Variants in ACAD10 observed in about 807,000 individuals in gnomAD.
ACAD10 encodes the protein ACAD-10.
In ACAD10, 112 loss-of-function variants were observed where a neutral mutation model predicts 116.8. That is an observed-to-expected ratio of 0.96 (90% CI 0.82 to 1.12). ACAD10 has a LOEUF of 1.12. Among genes scored for constraint, ACAD10 ranks in the 50% most tolerant of loss-of-function variants. The pLI is 0.00. For missense variants in ACAD10, 1,259 were observed against 1,350.2 expected, an observed-to-expected ratio of 0.93 and a Z score of 1.06; for synonymous variants, 486 against 510.6, an observed-to-expected ratio of 0.95 and a Z score of 0.65.
chr12:111,710,287 C>T (rs1335148356), intron 5 of ACAD10: 6 of 454,146 alleles, frequency 1.3e-5, no homozygotes, highest in Non-Finnish European at 1.8e-5. Context: ...AGGGTTTTGC[C>T]GTGTTGCCCA....
At chr12:111,722,182 C>T (rs1467052145) in intron 8 of ACAD10, among the ~76,000 whole-genome samples, 2 of 152,078 alleles carry the variant, frequency 1.3e-5, no homozygotes, top group Non-Finnish European at 2.9e-5. Context: ...CTGCCTCAGT[C>T]TCCTGAGTAG....
chr12:111,748,336 C>A lies in ACAD10; in HGVS notation c.2505C>A (p.Cys835Ter). 1 of 1,614,138 alleles carries A rather than the reference C, an allele frequency of 6.2e-7. No individual in the cohort carries two copies. The part of the protein sequence containing the change: ...WWITGILDPR[C>*]QLCVFMGKTD... ...TGGCAGGCATCCTGGATCCTCGTTG[C>A]CAACTCTGTGTGTTTATGGGAAAAA... The change falls in exon 17 of 21, where the codon TGC (cysteine) becomes TGA (stop). Residue 835 changes from cysteine to a stop codon, truncating the protein, a stop_gained. Coordinates refer to ENST00000313698, the MANE Select transcript of ACAD10 (RefSeq NM_025247.6). LOFTEE classifies it high-confidence loss of function.
At position 111,747,156 on chromosome 12, in the gene ACAD10, C is replaced by A; in HGVS notation, c.2364C>A (p.Ala788=). ...RWLIPLLEGK[A]RSCFAMTEPQ... is the part of the protein sequence containing the mutation. ...TGATTCCTCTGCTGGAGGGGAAAGC[C>A]CGCTCCTGTTTTGCTATGACCGAGC... Residue 788 remains alanine (A), a synonymous_variant, in exon 15 of 21, where the codon GCC becomes GCA. Transcript: ENST00000313698. 6.2e-7 allele frequency: 1 copy of A among 1,612,512 alleles called. No individual in the cohort carries two copies. Among genetic ancestry groups the A allele is most frequent in the East Asian group, 2.2e-5 (1 of 44,834 alleles).
In ACAD10 at chr12:111,706,776, A is replaced by AT. The variant is rs1272775325; in HGVS notation, c.531+845dup. On this transcript the variant is annotated intron_variant, in intron 4 of 20. Coordinates refer to ENST00000313698, the MANE Select transcript of ACAD10 (RefSeq NM_025247.6). Reference sequence around the variant, plus strand: ...TATTTATTTTTTTATATATATATATATATATATTTTTTTTTTTGAGACCAT... The same window carrying AT: ...TATTTATTTTTTTATATATATATATATTATATATTTTTTTTTTTGAGACCAT... 4.9e-4 allele frequency among the ~76,000 whole-genome samples: 55 copies of AT among 112,146 alleles called. 1 individual carries two copies. The East Asian group carries it at 0.014, about 29-fold the overall frequency. 73.6% of individuals were successfully genotyped at this position (112,146 alleles called of 152,430 possible). A position where few individuals can be genotyped will look rare whatever the true frequency, so the allele number is the denominator to read the frequency against.
intron 18 of ACAD10, among the ~76,000 whole-genome samples, chr12:111,751,343 T>C (rs568172959): frequency 1.3e-5 from 2 of 152,218 alleles, no homozygotes; most frequent in South Asian, 4.1e-4. Flanking sequence ...CCAGGTGTGG[T>C]GACACTCCCA....
chr12:111,733,241 G>A (rs1437037698), intron 10 of ACAD10, among the ~76,000 whole-genome samples: 1 of 152,138 alleles, frequency 6.6e-6, no homozygotes, highest in Admixed American at 6.6e-5. Flanking sequence ...GGGACTACAG[G>A]CGTGCACTAC....
intron 12 of ACAD10, among the ~76,000 whole-genome samples, chr12:111,738,425 G>A (rs1464038192): frequency 1.5e-5 from 2 of 135,862 alleles, no homozygotes; most frequent in South Asian, 2.4e-4. Context: ...CAGCCTGGGC[G>A]ACAAGAATGA....
chr12:111,693,016 G>C (rs1305905418), intron 2 of ACAD10, 120 bp downstream of exon 2: 2 of 1,177,370 alleles, frequency 1.7e-6, no homozygotes, highest in Admixed American at 4.9e-5. Context: ...CCATGCTCTG[G>C]CTCTCGAGTC....
rs563754490 is a variant in ACAD10, at chr12:111,696,998, G to A, written c.187+4102G>A. 4.0e-5 allele frequency among the ~76,000 whole-genome samples: 6 copies of A among 151,804 alleles called. No homozygotes were observed. The South Asian group carries it at 1.0e-3, about 26-fold the overall frequency. On this transcript the variant is annotated intron_variant, in intron 2 of 20. Transcript: ENST00000313698. ...TGGGAGGCTGAGGCAGGAGAATGGC[G>A]TGCACCCAGGAGGCAGAGCTTGCAG...
chr12:111,706,582 T>C (rs1888511476), intron 4 of ACAD10, among the ~76,000 whole-genome samples: 1 of 151,892 alleles, frequency 6.6e-6, no homozygotes. Flanking sequence ...CCTGAGTAGC[T>C]GGAATTACAG....
At position 111,733,981 on chromosome 12, in the gene ACAD10, G is replaced by A. The variant is rs1168748017; in HGVS notation, c.1453G>A (p.Glu485Lys). The A allele has an allele frequency of 6.2e-7, 1 of 1,614,216 alleles. No individual in the cohort carries two copies. Among genetic ancestry groups the A allele is most frequent in the South Asian group, 1.1e-5 (1 of 91,086 alleles). ...AGAGGTGCTTGCTGTCCTTGACTGG[G>A]AACTTTCTACCTTGGGCGACCCCCT... The part of the protein sequence containing the change: ...EPEVLAVLDW[E>K]LSTLGDPLAD... The change falls in exon 11 of 21, where the codon GAA (glutamate) becomes AAA (lysine). Residue 485 changes from glutamate to lysine, a missense_variant. Glu to Lys is a moderately conservative substitution (Grantham distance 56). Transcript: ENST00000313698.
intron 8 of ACAD10, 80 bp downstream of exon 8, chr12:111,721,819 G>A: frequency 8.0e-7 from 1 of 1,253,608 alleles, no homozygotes; most frequent in Non-Finnish European, 1.1e-6. Flanking sequence ...ATTCCAATTT[G>A]TTAAAGACAA....
intron 2 of ACAD10, among the ~76,000 whole-genome samples, chr12:111,697,876 G>A (rs1182156712): frequency 6.6e-6 from 1 of 151,078 alleles, no homozygotes; most frequent in African/African-American, 2.4e-5. Context: ...AAGCCACTGG[G>A]CCTGGCCTTT....
Position 111,744,957 on chromosome 12 carries a change from C to G in ACAD10, c.2029C>G (p.Arg677Gly), listed in dbSNP as rs368355800. 6 of 1,614,032 alleles carry G rather than the reference C, an allele frequency of 3.7e-6. No individual in the cohort carries two copies. In the African/African-American group the frequency reaches 8.0e-5, roughly 22 times the overall value. Reference sequence around the variant, plus strand: ...CCGGCTGAAGCACTTCATGGAGCAACGTGTGTACCCTGCAGAGCCAGAGCT... The same window carrying G: ...CCGGCTGAAGCACTTCATGGAGCAAGGTGTGTACCCTGCAGAGCCAGAGCT... Reference protein sequence around the residue: ...YHRLKHFMEQRVYPAEPELQS... With the variant: ...YHRLKHFMEQGVYPAEPELQS... The change falls in exon 13 of 21, where the codon CGT (arginine) becomes GGT (glycine). Residue 677 changes from arginine (R) to glycine (G), a missense_variant. Coordinates refer to ENST00000313698, the MANE Select transcript of ACAD10 (RefSeq NM_025247.6).
At chr12:111,753,942 C>A (rs1890140924) in intron 19 of ACAD10, 27 bp downstream of exon 19, 3 of 1,576,060 alleles carry the variant, frequency 1.9e-6, no homozygotes, top group African/African-American at 2.7e-5. Context: ...GAGGGGGCCT[C>A]CCAGAGGCAG....
In ACAD10 at chr12:111,744,606, G is replaced by A. The variant is rs372456118; in HGVS notation, c.1715-37G>A. 292 of 1,585,512 alleles carry A rather than the reference G, an allele frequency of 1.8e-4. No individual in the cohort carries two copies. The African/African-American group carries it at 2.2e-3, about 12-fold the overall frequency. ...TGTTAACATCCCTATGATGGGTCGT[G>A]TGGGAGTAATCACTGTTTTTCTTTG... On this transcript the variant is annotated intron_variant, in intron 12 of 20. Transcript: ENST00000313698.
At chr12:111,711,206 T>C (rs1251508435) in intron 5 of ACAD10, among the ~76,000 whole-genome samples, 1 of 152,182 alleles carries the variant, frequency 6.6e-6, no homozygotes, top group Non-Finnish European at 1.5e-5. Flanking sequence ...AATTTTTTGT[T>C]GTTGTTGTTG....
chr12:111,719,750 CAG>C (rs1593032315), intron 7 of ACAD10, among the ~76,000 whole-genome samples: 2 of 151,854 alleles, frequency 1.3e-5, no homozygotes, highest in African/African-American at 2.4e-5. Flanking sequence ...TTTTTTGAGA[CAG>C]AGTCTCGCTC....
At chr12:111,723,554 G>T (rs1467151854) in intron 8 of ACAD10, among the ~76,000 whole-genome samples, 2 of 132,078 alleles carry the variant, frequency 1.5e-5, no homozygotes, top group Admixed American at 7.4e-5. Flanking sequence ...AGGCAGAGGC[G>T]CCCCTCACCT....
Sources: allele counts gnomAD v4.1 joint callset (sites outside exome capture counted in the v4.1 genomes callset), GRCh38; gene constraint gnomAD v4.1.1; transcripts MANE v1.5; gene names NCBI Gene and HGNC (gene_info 2026-07-23, HGNC 2026-07-21).